SVIL: variants seen among roughly 807,000 people sequenced by gnomAD.
SVIL encodes archvillin.
SVIL carries 101 observed loss-of-function variants against 240.4 expected under a neutral mutation model. That is an observed-to-expected ratio of 0.42 (90% CI 0.36 to 0.50). The LOEUF is 0.50. Among genes scored for constraint, SVIL ranks in the 20% least tolerant of loss-of-function variants. The pLI is 0.01. For missense variants in SVIL, 2,512 were observed against 2,818.7 expected (o/e 0.89, Z 2.46); for synonymous variants, 999 against 1,100.0 (o/e 0.91, Z 1.82).
At chr10:29,710,674 T>G (rs1963214929) in intron 1 of SVIL, among the ~76,000 whole-genome samples, 1 of 152,202 alleles carries the variant, frequency 6.6e-6, no homozygotes, top group African/African-American at 2.4e-5. Flanking sequence ...ATGTGCCTTT[T>G]CAAATCTGCA....
intron 5 of SVIL, 63 bp downstream of exon 5, chr10:29,554,720 A>G: frequency 6.9e-7 from 1 of 1,452,082 alleles, no homozygotes; most frequent in Admixed American, 2.8e-5. Context: ...ACTGGGTGGA[A>G]AGGGCAACTC....
chr10:29,575,793 C>T (rs145754275), intron 1 of SVIL, among the ~76,000 whole-genome samples: 1 of 152,262 alleles, frequency 6.6e-6, no homozygotes, highest in African/African-American at 2.4e-5. Context: ...AACTGACAGA[C>T]ACATGTGATG....
At chr10:29,617,138 T>C (rs1957455828) in intron 1 of SVIL, among the ~76,000 whole-genome samples, 1 of 152,184 alleles carries the variant, frequency 6.6e-6, no homozygotes, top group African/African-American at 2.4e-5. Flanking sequence ...TTCCGCACAA[T>C]TGTTCATCCC....
Position 29,480,741 on chromosome 10 carries a change from T to C in SVIL, c.5173A>G (p.Thr1725Ala). The C allele has an allele frequency of 6.2e-7, 1 of 1,614,190 alleles. No homozygotes were observed. Among genetic ancestry groups the C allele is most frequent in the Non-Finnish European group, 8.5e-7 (1 of 1,180,022 alleles). ...CCGACGTTCACTCCGTCCAGGATGG[T>C]GCCTGCTGTCGTCTGGGGCATGGAC... The part of the protein sequence containing the change: ...MVSMPQTTAG[T>A]ILDGVNVGRG... Residue 1725 changes from threonine (T) to alanine (A), a missense_variant, in exon 29 of 38, where the codon ACC becomes GCC. By Grantham distance (58) the Thr-to-Ala change is moderately conservative (BLOSUM62 0). This residue lies in a region of SVIL where 797 missense variants were observed against 925.3 expected (regional missense o/e 0.86). Transcript: ENST00000355867.
At chr10:29,507,256 T>C (rs1333126631) in intron 17 of SVIL, among the ~76,000 whole-genome samples, 4 of 152,268 alleles carry the variant, frequency 2.6e-5, no homozygotes, top group Non-Finnish European at 5.9e-5. Context: ...CTCTATGAAC[T>C]GAGTAGGACA....
chr10:29,711,652 C>G (rs1405029333), intron 1 of SVIL, among the ~76,000 whole-genome samples: 1 of 151,424 alleles, frequency 6.6e-6, no homozygotes. Context: ...CCCAACTACT[C>G]AGGAGGCTGA....
rs567566584 is a variant in SVIL, at chr10:29,527,630, T to C, written c.2247-574A>G. 2.0e-5 allele frequency among the ~76,000 whole-genome samples: 3 copies of C among 151,890 alleles called. No individual in the cohort carries two copies. The South Asian group carries it at 6.2e-4, about 32-fold the overall frequency. On this transcript the variant is annotated intron_variant, in intron 12 of 37. Coordinates refer to ENST00000355867, the MANE Select transcript of SVIL (RefSeq NM_021738.3). ...TTATTAGAGATGAGGTTTCACCATG[T>C]TGGCCAGGATGGTCTTGATCTCTTG...
chr10:29,539,165 TAATA>T (rs71020796), intron 6 of SVIL, among the ~76,000 whole-genome samples: 98 of 149,188 alleles, frequency 6.6e-4, no homozygotes, highest in East Asian at 2.0e-3. Context: ...ACTCGGCCTC[TAATA>T]AATAAATAAA....
intron 1 of SVIL, among the ~76,000 whole-genome samples, chr10:29,710,197 G>C (rs1267381778): frequency 6.6e-6 from 1 of 152,002 alleles, no homozygotes; most frequent in Non-Finnish European, 1.5e-5. Context: ...GGGACTACAG[G>C]TGCGCGCCAC....
intron 1 of SVIL, among the ~76,000 whole-genome samples, chr10:29,701,378 G>C (rs1024232354): frequency 3.3e-5 from 5 of 152,134 alleles, no homozygotes; most frequent in African/African-American, 1.2e-4. Context: ...TCTGCAGCCA[G>C]CTTCATCATT....
intron 3 of SVIL, among the ~76,000 whole-genome samples, chr10:29,646,723 T>C (rs1443953969): frequency 1.3e-5 from 2 of 152,202 alleles, no homozygotes; most frequent in Non-Finnish European, 2.9e-5. Flanking sequence ...AAGTGATTAA[T>C]GCCAGGCTGC....
intron 6 of SVIL, among the ~76,000 whole-genome samples, chr10:29,541,726 A>G (rs563896397): frequency 6.6e-6 from 1 of 152,302 alleles, no homozygotes; most frequent in South Asian, 2.1e-4. Context: ...GATTGGAACC[A>G]TCACTCCTAG....
chr10:29,577,688 G>T (rs921452653), intron 1 of SVIL, among the ~76,000 whole-genome samples: 1 of 151,966 alleles, frequency 6.6e-6, no homozygotes, highest in Non-Finnish European at 1.5e-5. Context: ...CTTTTCCTTT[G>T]GGTAGATACC....
intron 6 of SVIL, 129 bp from the exon 7 acceptor site, chr10:29,536,198 A>G: frequency 1.2e-6 from 1 of 840,948 alleles, no homozygotes; most frequent in African/African-American, 1.7e-5. Flanking sequence ...AGTGGGAGTT[A>G]AACATGGAGT....
At chr10:29,505,376 A>C (rs1485016789) in intron 17 of SVIL, among the ~76,000 whole-genome samples, 1 of 152,142 alleles carries the variant, frequency 6.6e-6, no homozygotes, top group African/African-American at 2.4e-5. Flanking sequence ...AAATTTTAAA[A>C]AGACACAGAG....
In SVIL at chr10:29,524,720, A is replaced by C; in HGVS notation, c.2343-5T>G. The C allele has an allele frequency of 6.2e-7, 1 of 1,613,000 alleles. No homozygotes were observed. Among genetic ancestry groups the C allele is most frequent in the Non-Finnish European group, 8.5e-7 (1 of 1,179,258 alleles). ...TGGTGAGCAGAGGCCTGCAATCTGAAAAAAATAAAATGTCAGCAACACATA... is the reference window on the plus strand; with the variant it reads ...TGGTGAGCAGAGGCCTGCAATCTGACAAAAATAAAATGTCAGCAACACATA... On this transcript the variant is annotated splice_region_variant and splice_polypyrimidine_tract_variant and intron_variant, in intron 13 of 37. Coordinates refer to ENST00000355867, the MANE Select transcript of SVIL (RefSeq NM_021738.3).
chr10:29,500,060 G>T (rs1300427059), intron 17 of SVIL, among the ~76,000 whole-genome samples: 1 of 152,130 alleles, frequency 6.6e-6, no homozygotes, highest in Non-Finnish European at 1.5e-5. Context: ...GAAGCTACAG[G>T]GGACTCAAAG....
At chr10:29,604,048 AG>A (rs1368292065) in intron 1 of SVIL, among the ~76,000 whole-genome samples, 1 of 152,216 alleles carries the variant, frequency 6.6e-6, no homozygotes, top group African/African-American at 2.4e-5. Flanking sequence ...CAGTTACAGT[AG>A]TCGCCCCATG....
At chr10:29,493,141 C>G (rs1948126916) in intron 21 of SVIL, 73 bp downstream of exon 21, 2 of 1,501,190 alleles carry the variant, frequency 1.3e-6, no homozygotes, top group Admixed American at 4.0e-5. Flanking sequence ...GGGGAAAAGC[C>G]TCATGGATGT....
Sources: gnomAD v4.1 joint callset for allele counts (sites outside exome capture counted in the v4.1 genomes callset) on GRCh38, gnomAD v4.1.1 for gene constraint, gnomAD v4.1.1 regional missense constraint, MANE v1.5 for transcripts, NCBI Gene and HGNC (gene_info 2026-07-23, HGNC 2026-07-21) for gene names.